Variants in AFF2 observed in about 807,000 individuals in gnomAD.
The protein encoded by AFF2 is ALF transcription elongation factor 2.
In AFF2, 14 loss-of-function variants were observed where a neutral mutation model predicts 76.9. That is an observed-to-expected ratio of 0.18 (90% confidence interval 0.12 to 0.28). AFF2 has a LOEUF of 0.28. AFF2 is among the 10% of genes least tolerant of loss of function. The pLI is 1.00. For missense variants in AFF2, 868 were observed against 1,001.1 expected (o/e 0.87, Z 1.79); for synonymous variants, 398 against 366.7 (o/e 1.09, Z -0.98).
chrX:148,541,826 C>A, intron 1 of AFF2, among the ~76,000 whole-genome samples: 1 of 109,357 alleles, frequency 9.1e-6, no homozygotes. Context: ...TTTCACCATG[C>A]TCTTTTATGT....
intron 1 of AFF2, among the ~76,000 whole-genome samples, chrX:148,568,879 G>C (rs998095289): frequency 9.0e-6 from 1 of 111,069 alleles, no homozygotes; most frequent in Non-Finnish European, 1.9e-5. Context: ...TAAGGGGAGT[G>C]GATTATGAAA....
chrX:148,853,930 T>G (rs2124015583), intron 7 of AFF2, among the ~76,000 whole-genome samples: 1 of 112,123 alleles, frequency 8.9e-6, no homozygotes, highest in South Asian at 3.7e-4. Context: ...GTAGAAGAAT[T>G]TGAAAACTTT....
chrX:148,577,475 G>T (rs191381931), intron 1 of AFF2, among the ~76,000 whole-genome samples: 1 of 112,253 alleles, frequency 8.9e-6, no homozygotes, highest in African/African-American at 3.2e-5. Flanking sequence ...ACAAACAACT[G>T]CAGTGTCTAA....
rs1270194167 is a variant in AFF2, at chrX:148,995,939, T to G, written c.*4607T>G. Reference sequence around the variant, plus strand: ...CCTGAAGAATGCCCCAGCTGATGCTTTCAGCTGGGAATAGTTTGTTCCTAT... The same window carrying G: ...CCTGAAGAATGCCCCAGCTGATGCTGTCAGCTGGGAATAGTTTGTTCCTAT... On this transcript the variant is annotated 3_prime_UTR_variant, in exon 21 of 21. Coordinates refer to ENST00000370460, the MANE Select transcript of AFF2 (RefSeq NM_002025.4). 1 of 112,716 alleles carries G rather than the reference T, an allele frequency of 8.9e-6. No homozygotes were observed. The highest frequency in any genetic ancestry group is 1.9e-5 in the Non-Finnish European group (1 of 53,261). 9.3% of individuals were successfully genotyped at this position (112,716 alleles called of 1,213,427 possible). A position where few individuals can be genotyped will look rare whatever the true frequency, so the allele number is the denominator to read the frequency against.
intron 3 of AFF2, among the ~76,000 whole-genome samples, chrX:148,802,921 A>G (rs1381888312): frequency 2.7e-5 from 3 of 112,017 alleles, no homozygotes; most frequent in African/African-American, 9.7e-5. Context: ...TATTAGTTCA[A>G]TCTAGTTTGT....
At chrX:148,603,394 A>G (rs1260163009) in intron 1 of AFF2, among the ~76,000 whole-genome samples, 1 of 110,461 alleles carries the variant, frequency 9.1e-6, no homozygotes, top group Non-Finnish European at 1.9e-5. Flanking sequence ...TTTCTCCTAT[A>G]TTGGTATCTG....
At chrX:148,957,894 C>T (rs782063449) in intron 11 of AFF2, among the ~76,000 whole-genome samples, 2 of 112,494 alleles carry the variant, frequency 1.8e-5, no homozygotes, top group African/African-American at 6.4e-5. Flanking sequence ...CATTTCCTTA[C>T]GTGATGCTCA....
chrX:148,654,854 A>G (rs1035627283), intron 2 of AFF2, among the ~76,000 whole-genome samples: 4 of 109,412 alleles, frequency 3.7e-5, no homozygotes, highest in Non-Finnish European at 5.7e-5. Flanking sequence ...AGGAATAAGG[A>G]GATAAGTTTT....
At chrX:148,643,657 G>T (rs2054112848) in intron 1 of AFF2, among the ~76,000 whole-genome samples, 1 of 112,037 alleles carries the variant, frequency 8.9e-6, no homozygotes, top group Non-Finnish European at 1.9e-5. Context: ...TAGAGCTGTG[G>T]TAGGGTATGT....
intron 9 of AFF2, among the ~76,000 whole-genome samples, chrX:148,945,968 A>T (rs1035767416): frequency 1.8e-5 from 2 of 112,198 alleles, no homozygotes; most frequent in Non-Finnish European, 3.8e-5. Context: ...TAGGAAAAGA[A>T]GAGGCCAAGT....
At chrX:148,549,152 A>G (rs1353967282) in intron 1 of AFF2, among the ~76,000 whole-genome samples, 1 of 112,142 alleles carries the variant, frequency 8.9e-6, no homozygotes, top group African/African-American at 3.2e-5. Flanking sequence ...AGGTGGGGCT[A>G]TGTCAACTAT....
In AFF2 at chrX:148,966,824, C is replaced by T; in HGVS notation, c.2948C>T (p.Thr983Ile). ...ACTCCAAAAAAGGCATCCTCTGCCA[C>T]CATCACTGTCACCAATACTGCTATT... is the stretch of plus-strand genomic sequence containing the variant. ...GDTPKKASSA[T>I]ITVTNTAIAT... The change falls in exon 14 of 21, where the codon ACC (threonine) becomes ATC (isoleucine). Residue 983 changes from threonine to isoleucine, a missense_variant. Transcript: ENST00000370460. 8.3e-7 allele frequency: 1 copy of T among 1,211,613 alleles called. No homozygotes were observed. The highest frequency in any genetic ancestry group is 1.1e-6 in the Non-Finnish European group (1 of 895,457).
At position 148,955,576 on chromosome X, in the gene AFF2, T is replaced by C. The variant is rs369700298; in HGVS notation, c.1558-27T>C. On this transcript the variant is annotated intron_variant, in intron 10 of 20. Transcript: ENST00000370460. ...GAATCCTTCCCAAGTGTAAAAATCA[T>C]TCTTGCTGCTGTTTCTCAATCTGCA... is the stretch of plus-strand genomic sequence containing the variant. 5.1e-6 allele frequency: 6 copies of C among 1,180,253 alleles called. No homozygotes were observed. In the African/African-American group the frequency reaches 5.4e-5, roughly 11 times the overall value.
intron 19 of AFF2, among the ~76,000 whole-genome samples, chrX:148,982,456 C>G (rs2072407093): frequency 8.9e-6 from 1 of 111,894 alleles, no homozygotes; most frequent in Non-Finnish European, 1.9e-5. Flanking sequence ...CTGTGGAAGC[C>G]TAGGAGAAGG....
At chrX:148,970,656 A>G (rs1439890542) in intron 15 of AFF2, among the ~76,000 whole-genome samples, 1 of 112,128 alleles carries the variant, frequency 8.9e-6, no homozygotes, top group Non-Finnish European at 1.9e-5. Context: ...TTTGCAATAA[A>G]ATTTTACCAA....
At chrX:148,939,778 TAC>T (rs1313413253) in intron 9 of AFF2, among the ~76,000 whole-genome samples, 1 of 112,064 alleles carries the variant, frequency 8.9e-6, no homozygotes, top group Non-Finnish European at 1.9e-5. Context: ...CCAACAGGTG[TAC>T]ACACTCTCAC....
chrX:148,621,934 A>G (rs1210302338), intron 1 of AFF2, among the ~76,000 whole-genome samples: 1 of 112,149 alleles, frequency 8.9e-6, no homozygotes, highest in Non-Finnish European at 1.9e-5. Context: ...TGCAATTACT[A>G]AATTATGATG....
chrX:148,798,745 G>C lies in AFF2; in HGVS notation c.1042-11131G>C, dbSNP rs904317390. On this transcript the variant is annotated intron_variant, in intron 3 of 20. Transcript: ENST00000370460. ...GGATCACTGATGCTGGGTATATGCT[G>C]TCCACGTTAATTGGCATAGACCGTT... 1.1e-4 allele frequency among the ~76,000 whole-genome samples: 12 copies of C among 111,951 alleles called. No individual in the cohort carries two copies. In the Admixed American group the frequency reaches 1.1e-3, roughly 11 times the overall value.
At position 148,999,141 on chromosome X, in the gene AFF2, T is replaced by G. The variant is rs1557293830; in HGVS notation, c.*7809T>G. ...ATGCAGTTTAACAAATGACTCCACC[T>G]ATTTTTCCAGTAGGTAAATTGACTG... On this transcript the variant is annotated 3_prime_UTR_variant, in exon 21 of 21. Coordinates refer to ENST00000370460, the MANE Select transcript of AFF2 (RefSeq NM_002025.4). 1 of 111,719 alleles carries G rather than the reference T, an allele frequency of 9.0e-6. No homozygotes were observed. The highest frequency in any genetic ancestry group is 3.8e-4 in the South Asian group (1 of 2,657). 9.2% of individuals were successfully genotyped at this position (111,719 alleles called of 1,213,427 possible). A position where few individuals can be genotyped will look rare whatever the true frequency, so the allele number is the denominator to read the frequency against.
Sources: gnomAD v4.1 joint callset for allele counts (sites outside exome capture counted in the v4.1 genomes callset) on GRCh38, gnomAD v4.1.1 for gene constraint, MANE v1.5 for transcripts, NCBI Gene and HGNC (gene_info 2026-07-23, HGNC 2026-07-21) for gene names.